The following SMOC1 variants were observed in gnomAD, a reference collection of about 807,000 sequenced individuals.
SMOC1 encodes the protein SPARC related modular calcium binding 1.
SMOC1 carries 22 observed loss-of-function variants against 56.3 expected under a neutral mutation model. That is an observed-to-expected ratio of 0.39 (90% CI 0.28 to 0.56). The LOEUF (loss-of-function observed/expected upper bound fraction) is 0.56. Among genes scored for constraint, SMOC1 ranks in the 20% least tolerant of loss-of-function variants. The probability of loss-of-function intolerance (pLI) is 0.61; values close to 1 mark genes in which losing one functional copy is unlikely to be tolerated. For missense variants in SMOC1, 509 were observed against 565.4 expected, an observed-to-expected ratio of 0.90 and a Z score of 1.01; for synonymous variants, 193 against 215.0, an observed-to-expected ratio of 0.90 and a Z score of 0.89.
At chr14:69,943,589 T>C (rs1291548441) in intron 1 of SMOC1, among the ~76,000 whole-genome samples, 1 of 152,174 alleles carries the variant, frequency 6.6e-6, no homozygotes. Flanking sequence ...CAGTCCCAGG[T>C]TGGAGAGCAA....
intron 5 of SMOC1, among the ~76,000 whole-genome samples, chr14:69,986,385 C>T (rs1884366623): frequency 6.6e-6 from 1 of 152,112 alleles, no homozygotes; most frequent in Non-Finnish European, 1.5e-5. Context: ...GAACGATACA[C>T]ACAAATGAGT....
intron 1 of SMOC1, among the ~76,000 whole-genome samples, chr14:69,906,311 T>C (rs1021299091): frequency 6.6e-6 from 1 of 152,214 alleles, no homozygotes; most frequent in African/African-American, 2.4e-5. Context: ...GACATTCACC[T>C]TTGGAGCCCT....
chr14:69,972,183 C>T (rs907049435), intron 3 of SMOC1, among the ~76,000 whole-genome samples: 3 of 152,110 alleles, frequency 2.0e-5, no homozygotes. Context: ...AGTTAAGTGG[C>T]GGAGCTGGGA....
intron 1 of SMOC1, among the ~76,000 whole-genome samples, chr14:69,902,646 A>G (rs1441284150): frequency 6.6e-6 from 1 of 151,606 alleles, no homozygotes; most frequent in African/African-American, 2.4e-5. Flanking sequence ...CTCTCTTTCC[A>G]CGGTCTCCCT....
chr14:69,961,918 T>C (rs879534155), intron 3 of SMOC1, among the ~76,000 whole-genome samples: 7 of 152,194 alleles, frequency 4.6e-5, no homozygotes, highest in Admixed American at 4.6e-4. Context: ...TCAACACTTG[T>C]TATTTTCCAT....
intron 4 of SMOC1, among the ~76,000 whole-genome samples, chr14:69,976,533 C>T (rs146650225): frequency 5.9e-5 from 9 of 152,244 alleles, no homozygotes; most frequent in Admixed American, 4.6e-4. Context: ...AAAATTAAGT[C>T]CTTTCTATTC....
At chr14:69,937,352 T>C (rs1194612340) in intron 1 of SMOC1, among the ~76,000 whole-genome samples, 1 of 152,128 alleles carries the variant, frequency 6.6e-6, no homozygotes, top group Admixed American at 6.5e-5. Context: ...CAAATACAGG[T>C]TTTTATCCTT....
At chr14:70,027,413 C>A (rs1885969380) in intron 11 of SMOC1, among the ~76,000 whole-genome samples, 1 of 151,834 alleles carries the variant, frequency 6.6e-6, no homozygotes, top group Non-Finnish European at 1.5e-5. Flanking sequence ...GGGAGCAGAC[C>A]AGCCTGGGGG....
intron 1 of SMOC1, among the ~76,000 whole-genome samples, chr14:69,903,453 C>G (rs1217499231): frequency 6.6e-6 from 1 of 151,796 alleles, no homozygotes; most frequent in Non-Finnish European, 1.5e-5. Flanking sequence ...GCGGTTTTGT[C>G]GAATAGAAAA....
chr14:69,970,580 C>T (rs1160200129), intron 3 of SMOC1, among the ~76,000 whole-genome samples: 1 of 152,158 alleles, frequency 6.6e-6, no homozygotes, highest in Admixed American at 6.5e-5. Flanking sequence ...ATGCATAGAC[C>T]TTTGATGGTG....
intron 1 of SMOC1, chr14:69,885,628 A>G: frequency 1.4e-6 from 2 of 1,473,706 alleles, no homozygotes; most frequent in South Asian, 2.3e-5. Flanking sequence ...GACATAGGGC[A>G]GGCAAGAAGA....
chr14:70,006,329 T>A (rs1196639647), intron 7 of SMOC1, among the ~76,000 whole-genome samples: 2 of 152,216 alleles, frequency 1.3e-5, no homozygotes, highest in African/African-American at 4.8e-5. Flanking sequence ...GTCTGGCACA[T>A]GGTAAATACT....
intron 10 of SMOC1, among the ~76,000 whole-genome samples, chr14:70,020,617 G>A (rs1223687976): frequency 6.6e-6 from 1 of 152,156 alleles, no homozygotes; most frequent in African/African-American, 2.4e-5. Context: ...AGTGAATGCT[G>A]CACATCTCAG....
intron 1 of SMOC1, among the ~76,000 whole-genome samples, chr14:69,887,108 T>A (rs1883831044): frequency 6.6e-6 from 1 of 152,170 alleles, no homozygotes; most frequent in African/African-American, 2.4e-5. Flanking sequence ...ATGAGTAAAC[T>A]GTGATGAATT....
chr14:69,954,802 CT>C (rs1883129265), intron 3 of SMOC1, among the ~76,000 whole-genome samples: 1 of 152,128 alleles, frequency 6.6e-6, no homozygotes, highest in Non-Finnish European at 1.5e-5. Flanking sequence ...AAAAGTTCCC[CT>C]GTAATTCTCG....
At chr14:69,879,957 C>T (rs1883590347) in intron 1 of SMOC1, among the ~76,000 whole-genome samples, 180 bp downstream of exon 1, 1 of 152,170 alleles carries the variant, frequency 6.6e-6, no homozygotes, top group Non-Finnish European at 1.5e-5. Context: ...CCCATTGGAG[C>T]CACCACCACT....
At chr14:70,025,854 G>A (rs944521847) in intron 11 of SMOC1, among the ~76,000 whole-genome samples, 1 of 152,202 alleles carries the variant, frequency 6.6e-6, no homozygotes, top group Non-Finnish European at 1.5e-5. Context: ...AAATGCTAGA[G>A]TCTATCTCAT....
chr14:70,003,732 A>G (rs1197134825), intron 7 of SMOC1, among the ~76,000 whole-genome samples: 1 of 152,174 alleles, frequency 6.6e-6, no homozygotes, highest in African/African-American at 2.4e-5. Context: ...ACGAGGGCAG[A>G]TCCTCCACTG....
intron 5 of SMOC1, among the ~76,000 whole-genome samples, chr14:69,982,865 A>G (rs1884228990): frequency 6.6e-6 from 1 of 152,044 alleles, no homozygotes. Flanking sequence ...TTTCTTGGAG[A>G]AGGATTCTCT....
Sources: gnomAD v4.1 joint callset for allele counts (sites outside exome capture counted in the v4.1 genomes callset) on GRCh38, gnomAD v4.1.1 for gene constraint, MANE v1.5 for transcripts, NCBI Gene and HGNC (gene_info 2026-07-23, HGNC 2026-07-21) for gene names.